FAM117A: variants seen among roughly 807,000 people sequenced by gnomAD.
The protein encoded by FAM117A is family with sequence similarity 117 member A.
In FAM117A, 21 loss-of-function variants were observed where a neutral mutation model predicts 44.1. The observed-to-expected ratio is 0.48, with a 90% CI of 0.34 to 0.69. The LOEUF (loss-of-function observed/expected upper bound fraction) is 0.69. Among genes scored for constraint, FAM117A ranks in the 30% least tolerant of loss-of-function variants. FAM117A has a pLI of 0.01. For synonymous variants in FAM117A, 220 were observed against 238.3 expected (o/e 0.92, Z 0.71); for missense variants, 498 against 589.9 (o/e 0.84, Z 1.61).
intron 1 of FAM117A, among the ~76,000 whole-genome samples, chr17:49,763,220 T>C (rs2073729570): frequency 6.6e-6 from 1 of 151,652 alleles, no homozygotes; most frequent in African/African-American, 2.4e-5. Context: ...GTCAAGAATC[T>C]GGGAACGTAC....
At chr17:49,716,712 T>C (rs1474110376) in intron 6 of FAM117A, among the ~76,000 whole-genome samples, 1 of 152,186 alleles carries the variant, frequency 6.6e-6, no homozygotes, top group African/African-American at 2.4e-5. Flanking sequence ...CTTGAAAATC[T>C]ATCCTTTCTT....
At chr17:49,741,772 T>A (rs1253497694) in intron 1 of FAM117A, among the ~76,000 whole-genome samples, 3 of 152,226 alleles carry the variant, frequency 2.0e-5, no homozygotes, top group African/African-American at 4.8e-5. Flanking sequence ...ACAGGGATTA[T>A]TTTTCTATTT....
In FAM117A at chr17:49,717,577, G is replaced by T. The variant is rs200591197; in HGVS notation, c.846C>A (p.Gly282=). The change falls in exon 6 of 8, where the codon GGC becomes GGA. Residue 282 remains glycine (G), a synonymous_variant. Transcript: ENST00000240364. ...CCCGATGTTCCTCATGACTGGCCAG[G>T]CCACAAGGCTGGGGAGATGCCAAGG... is the stretch of plus-strand genomic sequence containing the variant. The part of the protein sequence containing the change: ...SMSLASPQPC[G]LASHEEHRGA... The T allele has an allele frequency of 3.0e-5, 48 of 1,614,168 alleles. No individual in the cohort carries two copies. Among genetic ancestry groups the T allele is most frequent in the Non-Finnish European group, 4.0e-5 (47 of 1,180,024 alleles).
At chr17:49,756,765 A>C (rs1441621710) in intron 1 of FAM117A, among the ~76,000 whole-genome samples, 1 of 151,980 alleles carries the variant, frequency 6.6e-6, no homozygotes, top group Non-Finnish European at 1.5e-5. Flanking sequence ...AAAATACAGC[A>C]ATTATCTGGG....
chr17:49,745,490 T>C (rs1220573771), intron 1 of FAM117A, among the ~76,000 whole-genome samples: 1 of 152,210 alleles, frequency 6.6e-6, no homozygotes, highest in African/African-American at 2.4e-5. Flanking sequence ...GGGGCTACCA[T>C]ACCACCTCAA....
intron 1 of FAM117A, among the ~76,000 whole-genome samples, chr17:49,755,953 G>C (rs2073697006): frequency 6.6e-6 from 1 of 152,184 alleles, no homozygotes; most frequent in Non-Finnish European, 1.5e-5. Context: ...TGTTCAAGCT[G>C]CAGGGTGAGT....
At chr17:49,782,547 G>A (rs967195854) in intron 1 of FAM117A, among the ~76,000 whole-genome samples, 6 of 150,248 alleles carry the variant, frequency 4.0e-5, no homozygotes, top group Admixed American at 6.6e-5. Context: ...AAAATAAGCC[G>A]GGCATGGTGG....
At chr17:49,733,009 G>A in intron 1 of FAM117A, 1 of 325,954 alleles carries the variant, frequency 3.1e-6, no homozygotes, top group Non-Finnish European at 5.8e-6. Context: ...AATGGACTAT[G>A]AACCGTGAAC....
chr17:49,756,717 A>G (rs1452419320), intron 1 of FAM117A, among the ~76,000 whole-genome samples: 1 of 151,970 alleles, frequency 6.6e-6, no homozygotes, highest in African/African-American at 2.4e-5. Flanking sequence ...GGAGTTCGAG[A>G]CCAGACTGGC....
chr17:49,732,407 G>A (rs764038423), intron 2 of FAM117A, 144 bp downstream of exon 2: 224 of 767,262 alleles, frequency 2.9e-4, no homozygotes, highest in Middle Eastern at 5.9e-4. Context: ...TCTGTCTTAA[G>A]AAGATAAAAC....
intron 6 of FAM117A, among the ~76,000 whole-genome samples, chr17:49,717,129 A>G (rs1171126012): frequency 1.3e-5 from 2 of 152,270 alleles, no homozygotes; most frequent in South Asian, 2.1e-4. Context: ...AAGCAACCAC[A>G]TTCTCTTACT....
chr17:49,723,541 A>G (rs1482597056), intron 2 of FAM117A, among the ~76,000 whole-genome samples: 1 of 152,186 alleles, frequency 6.6e-6, no homozygotes, highest in African/African-American at 2.4e-5. Flanking sequence ...CAGTGGAACC[A>G]GTTTCTCTCT....
intron 1 of FAM117A, among the ~76,000 whole-genome samples, chr17:49,778,341 T>C (rs562488715): frequency 7.9e-5 from 12 of 152,342 alleles, no homozygotes; most frequent in Admixed American, 2.0e-4. Context: ...AAATAACACA[T>C]GGTCCCTCCT....
chr17:49,783,004 G>T (rs191545804), intron 1 of FAM117A, among the ~76,000 whole-genome samples: 1 of 152,286 alleles, frequency 6.6e-6, no homozygotes, highest in Non-Finnish European at 1.5e-5. Flanking sequence ...CATGGTGACC[G>T]GGTACTTTCC....
At chr17:49,781,226 A>G (rs760167011) in intron 1 of FAM117A, among the ~76,000 whole-genome samples, 6 of 152,234 alleles carry the variant, frequency 3.9e-5, no homozygotes, top group Non-Finnish European at 7.3e-5. Flanking sequence ...TAAATTAGTA[A>G]TGAATAGGGT....
intron 1 of FAM117A, among the ~76,000 whole-genome samples, chr17:49,778,821 A>G (rs2073781855): frequency 6.6e-6 from 1 of 152,248 alleles, no homozygotes; most frequent in Non-Finnish European, 1.5e-5. Context: ...GACAGAAAGT[A>G]AAGAATCCAA....
chr17:49,743,089 T>C (rs1334310840), intron 1 of FAM117A, among the ~76,000 whole-genome samples: 1 of 152,108 alleles, frequency 6.6e-6, no homozygotes, highest in East Asian at 1.9e-4. Context: ...AAACAGAAGA[T>C]TTCTGAAAGT....
Position 49,763,889 on chromosome 17 carries a change from C to A in FAM117A, c.196+3G>T. 8.1e-7 allele frequency: 1 copy of A among 1,230,860 alleles called. No homozygotes were observed. The highest frequency in any genetic ancestry group is 4.0e-5 in the South Asian group (1 of 25,294). 76.2% of individuals were successfully genotyped at this position (1,230,860 alleles called of 1,614,324 possible). On this transcript the variant is annotated splice_donor_region_variant and intron_variant, in intron 1 of 7. Coordinates refer to ENST00000240364, the MANE Select transcript of FAM117A (RefSeq NM_030802.4). ...CACGGCACCCGCTCCAGGCCCGGCT[C>A]ACCTGCACGGCCACCCCCGTCCCGG... is the stretch of plus-strand genomic sequence containing the variant.
chr17:49,788,542 T>G (rs1363045413), exon 1 of FAM117A: 4 of 390,858 alleles, frequency 1.0e-5, no homozygotes, highest in Admixed American at 8.9e-5. Flanking sequence ...GGAGTCACTT[T>G]CTGCCCAACT....
Sources: gnomAD v4.1 joint callset for allele counts (sites outside exome capture counted in the v4.1 genomes callset) on GRCh38, gnomAD v4.1.1 for gene constraint, MANE v1.5 for transcripts, NCBI Gene and HGNC (gene_info 2026-07-23, HGNC 2026-07-21) for gene names.